NEGR1: variants seen among roughly 807,000 people sequenced by gnomAD.
The protein encoded by NEGR1 is neuronal growth regulator 1.
In NEGR1, 10 loss-of-function variants were observed where a neutral mutation model predicts 40.9. That is an observed-to-expected ratio of 0.24 (90% CI 0.15 to 0.42). NEGR1 has a LOEUF of 0.42. Among genes scored for constraint, NEGR1 ranks in the 10% least tolerant of loss-of-function variants. The pLI, the probability that NEGR1 is intolerant of heterozygous loss-of-function variation, is 1.00. For synonymous variants in NEGR1, 185 were observed against 166.8 expected, an observed-to-expected ratio of 1.11 and a Z score of -0.84; for missense variants, 352 against 438.9, an observed-to-expected ratio of 0.80 and a Z score of 1.77.
chr1:72,143,619 C>CT (rs909426513), intron 1 of NEGR1, among the ~76,000 whole-genome samples: 1 of 151,130 alleles, frequency 6.6e-6, no homozygotes, highest in Non-Finnish European at 1.5e-5. Flanking sequence ...TTCTGATTAA[C>CT]TTTTTTGCAG....
chr1:72,111,075 T>C (rs200673407), intron 1 of NEGR1, among the ~76,000 whole-genome samples: 27 of 83,726 alleles, frequency 3.2e-4, no homozygotes, highest in Non-Finnish European at 4.6e-4. Context: ...TACATACACA[T>C]ATATATATAT....
rs910499164 is a variant in NEGR1 at position 71,401,645 on chromosome 1, A to G, written c.*5801T>C. On this transcript the variant is annotated 3_prime_UTR_variant, in exon 7 of 7. Coordinates refer to ENST00000357731, the MANE Select transcript of NEGR1 (RefSeq NM_173808.3). Reference sequence around the variant, plus strand: ...GGCCTCAAACAACATCACTCAGATTAAAATCAGTATTGTGAATTTTTTTAA... The same window carrying G: ...GGCCTCAAACAACATCACTCAGATTGAAATCAGTATTGTGAATTTTTTTAA... 3 of 152,244 alleles carry G rather than the reference A, an allele frequency of 2.0e-5. No individual in the cohort carries two copies. The highest frequency in any genetic ancestry group is 7.2e-5 in the African/African-American group (3 of 41,460). 9.4% of individuals were successfully genotyped at this position (152,244 alleles called of 1,614,324 possible). A position where few individuals can be genotyped will look rare whatever the true frequency, so the allele number is the denominator to read the frequency against.
intron 2 of NEGR1, among the ~76,000 whole-genome samples, chr1:71,926,335 G>A (rs1418592288): frequency 6.9e-6 from 1 of 145,966 alleles, no homozygotes; most frequent in Non-Finnish European, 1.5e-5. Context: ...TCTAATTCAA[G>A]CTGAAAACTT....
At position 71,398,359 on chromosome 1, in the gene NEGR1, G is replaced by C. The variant is rs1416154745; in HGVS notation, c.*9087C>G. ...GAGGAGGGCTATACCCTGCAAAGCTGCAGAGGCGGAGCTGCCTAAGGCCAT... is the reference window on the plus strand; with the variant it reads ...GAGGAGGGCTATACCCTGCAAAGCTCCAGAGGCGGAGCTGCCTAAGGCCAT... On this transcript the variant is annotated 3_prime_UTR_variant, in exon 7 of 7. Coordinates refer to ENST00000357731, the MANE Select transcript of NEGR1 (RefSeq NM_173808.3). 1 of 153,734 alleles carries C rather than the reference G, an allele frequency of 6.5e-6. No individual in the cohort carries two copies. Among genetic ancestry groups the C allele is most frequent in the Non-Finnish European group, 1.4e-5 (1 of 69,318 alleles). 9.5% of individuals were successfully genotyped at this position (153,734 alleles called of 1,614,324 possible).
At chr1:71,558,681 T>G (rs1238304499) in intron 6 of NEGR1, among the ~76,000 whole-genome samples, 1 of 151,184 alleles carries the variant, frequency 6.6e-6, no homozygotes, top group Non-Finnish European at 1.5e-5. Context: ...TTAGATTGTG[T>G]CTGTGTCCTT....
intron 6 of NEGR1, among the ~76,000 whole-genome samples, chr1:71,496,865 T>C (rs188936259): frequency 5.3e-4 from 80 of 152,294 alleles, no homozygotes; most frequent in Admixed American, 4.7e-3. Context: ...TTTTAAGCAG[T>C]CTTCATATTT....
chr1:71,909,003 T>A (rs1661354410), intron 2 of NEGR1, among the ~76,000 whole-genome samples: 1 of 152,216 alleles, frequency 6.6e-6, no homozygotes. Context: ...ACAAATCATT[T>A]GAAACCACTC....
At chr1:71,833,353 G>T (rs1658903531) in intron 2 of NEGR1, among the ~76,000 whole-genome samples, 1 of 151,966 alleles carries the variant, frequency 6.6e-6, no homozygotes, top group East Asian at 1.9e-4. Flanking sequence ...GTTTCCTAAA[G>T]GGAAATACCA....
intron 4 of NEGR1, among the ~76,000 whole-genome samples, chr1:71,664,538 C>A (rs1017670598): frequency 6.6e-6 from 1 of 151,860 alleles, no homozygotes; most frequent in Non-Finnish European, 1.5e-5. Context: ...TGTGTGATTT[C>A]CATGGGAATT....
intron 2 of NEGR1, among the ~76,000 whole-genome samples, chr1:71,855,613 T>C (rs530046823): frequency 6.6e-6 from 1 of 152,188 alleles, no homozygotes; most frequent in East Asian, 1.9e-4. Context: ...TTATGCTTAA[T>C]TATCCTTACG....
intron 1 of NEGR1, among the ~76,000 whole-genome samples, chr1:72,218,838 G>A (rs1432315477): frequency 6.6e-6 from 1 of 152,020 alleles, no homozygotes; most frequent in Non-Finnish European, 1.5e-5. Flanking sequence ...TTGCAGTCTT[G>A]AAATGCATGT....
intron 1 of NEGR1, among the ~76,000 whole-genome samples, chr1:72,242,942 A>G (rs1551754): frequency 0.04 from 6,068 of 151,750 alleles, 391 homozygotes; most frequent in African/African-American, 0.14. Context: ...GAAATCATGT[A>G]ATATGTTTAA....
intron 1 of NEGR1, among the ~76,000 whole-genome samples, chr1:72,095,771 T>C (rs1648674356): frequency 6.6e-6 from 1 of 152,174 alleles, no homozygotes; most frequent in Non-Finnish European, 1.5e-5. Context: ...TCAAAACTAC[T>C]GGCATTTTGA....
intron 6 of NEGR1, among the ~76,000 whole-genome samples, chr1:71,491,030 G>A (rs1453711973): frequency 3.3e-5 from 5 of 151,980 alleles, no homozygotes; most frequent in Admixed American, 6.6e-5. Flanking sequence ...AAGTGCTCAC[G>A]TAATGTTTAT....
chr1:71,646,101 T>C (rs1248826310), intron 4 of NEGR1, among the ~76,000 whole-genome samples: 1 of 151,758 alleles, frequency 6.6e-6, no homozygotes, highest in Non-Finnish European at 1.5e-5. Context: ...TTTTGCCATT[T>C]CCAACAATAT....
chr1:71,904,371 C>A (rs1397863918), intron 2 of NEGR1, among the ~76,000 whole-genome samples: 1 of 151,944 alleles, frequency 6.6e-6, no homozygotes, highest in Non-Finnish European at 1.5e-5. Context: ...ATAGTAAGAT[C>A]ACCAAAAAAT....
At chr1:72,079,590 A>G (rs2100525743) in intron 1 of NEGR1, among the ~76,000 whole-genome samples, 1 of 152,278 alleles carries the variant, frequency 6.6e-6, no homozygotes, top group South Asian at 2.1e-4. Flanking sequence ...ACCAGTCGTT[A>G]TAATCAATAT....
intron 1 of NEGR1, among the ~76,000 whole-genome samples, chr1:71,948,386 T>C (rs1646039526): frequency 6.6e-6 from 1 of 152,014 alleles, no homozygotes; most frequent in Admixed American, 6.6e-5. Flanking sequence ...AGGGTTTCTT[T>C]TCATTTTGAG....
At chr1:72,183,309 A>G (rs959659333) in intron 1 of NEGR1, among the ~76,000 whole-genome samples, 2 of 152,052 alleles carry the variant, frequency 1.3e-5, no homozygotes, top group Admixed American at 1.3e-4. Context: ...GGGGTACTAG[A>G]ACTGAGACAT....
Sources: gnomAD v4.1 joint callset for allele counts (sites outside exome capture counted in the v4.1 genomes callset) on GRCh38, gnomAD v4.1.1 for gene constraint, MANE v1.5 for transcripts, NCBI Gene and HGNC (gene_info 2026-07-23, HGNC 2026-07-21) for gene names.